The following PPL variants were observed in gnomAD, a reference collection of about 807,000 sequenced individuals.
PPL encodes 190 kDa paraneoplastic pemphigus antigen.
In PPL, 198 loss-of-function variants were observed where a neutral mutation model predicts 194.4. The ratio of observed to expected loss-of-function variants is 1.02; its 90% CI spans 0.91 to 1.15. The LOEUF is 1.15. Ranked by LOEUF, PPL falls within the 50% of genes most tolerant of loss-of-function variation. The pLI, the probability that PPL is intolerant of heterozygous loss-of-function variation, is 0.00. For missense variants in PPL, 2,885 were observed against 2,294.8 expected, an observed-to-expected ratio of 1.26 and a Z score of -5.25; for synonymous variants, 1,220 against 972.4, an observed-to-expected ratio of 1.25 and a Z score of -4.74.
At chr16:4,934,610 T>A (rs1238572013) in intron 1 of PPL, among the ~76,000 whole-genome samples, 2 of 152,046 alleles carry the variant, frequency 1.3e-5, no homozygotes, top group Non-Finnish European at 2.9e-5. Flanking sequence ...CCCCCCATGC[T>A]GAATCTCACC....
At chr16:4,903,089 T>C (rs2142369235) in intron 3 of PPL, among the ~76,000 whole-genome samples, 1 of 152,254 alleles carries the variant, frequency 6.6e-6, no homozygotes, top group South Asian at 2.1e-4. Flanking sequence ...AAAGATCTTG[T>C]TTTCTGGAGT....
chr16:4,885,905 T>C lies in PPL; in HGVS notation c.2750A>G (p.Gln917Arg), dbSNP rs968614576. The C allele has an allele frequency of 3.7e-6, 6 of 1,611,212 alleles. No individual in the cohort carries two copies. The African/African-American group carries it at 8.0e-5, about 21-fold the overall frequency. The part of the protein sequence containing the change: ...RQLENEVKST[Q>R]EEIWTLRNQG... ...ATTCCTCAAGGTCCAGATTTCTTCCTGGGTGCTCTTGACCTCGTTCTCCAG... is the reference window on the plus strand; with the variant it reads ...ATTCCTCAAGGTCCAGATTTCTTCCCGGGTGCTCTTGACCTCGTTCTCCAG... The change falls in exon 22 of 22, where the codon CAG (glutamine) becomes CGG (arginine). Residue 917 changes from glutamine (Q) to arginine (R), a missense_variant. Physicochemically the swap from Gln to Arg is conservative, Grantham distance 43. Transcript: ENST00000345988. This position sits in a 1 kb window ranked among gnomAD's most constrained non-coding sequence, Gnocchi z 6.3.
intron 17 of PPL, 147 bp downstream of exon 17, chr16:4,890,581 G>A (rs908182145): frequency 3.6e-6 from 4 of 1,109,178 alleles, no homozygotes; most frequent in South Asian, 1.7e-5. Flanking sequence ...TGACTCAAAA[G>A]AGAGACCACA....
chr16:4,903,228 G>A (rs1250225456), intron 3 of PPL, among the ~76,000 whole-genome samples: 1 of 152,072 alleles, frequency 6.6e-6, no homozygotes, highest in Non-Finnish European at 1.5e-5. Flanking sequence ...CAGGAGTCAG[G>A]GGGGCTGATT....
Position 4,884,940 on chromosome 16 carries a change from T to C in PPL, c.3715A>G (p.Lys1239Glu), listed in dbSNP as rs201812991. Residue 1239 changes from lysine to glutamate, a missense_variant, in exon 22 of 22, where the codon AAG becomes GAG. Physicochemically the swap from Lys to Glu is moderately conservative, Grantham distance 56 (BLOSUM62 1). Coordinates refer to ENST00000345988, the MANE Select transcript of PPL (RefSeq NM_002705.5). This position sits in a 1 kb window ranked among gnomAD's most constrained non-coding sequence, Gnocchi z 5.7. ...TCCTTCTCCATCTCAGGGTCAGTCT[T>C]GTACTTAATGACTTCCTTAGTCACC... Reference protein sequence around the residue: ...KEVTKEVIKYKTDPEMEKELQ... With the variant: ...KEVTKEVIKYETDPEMEKELQ... 4 of 1,614,120 alleles carry C rather than the reference T, an allele frequency of 2.5e-6. No homozygotes were observed. In the East Asian group the frequency reaches 6.7e-5, roughly 27 times the overall value.
chr16:4,893,707 G>A lies in PPL; in HGVS notation c.1395-69C>T. On this transcript the variant is annotated intron_variant, in intron 12 of 21. Coordinates refer to ENST00000345988, the MANE Select transcript of PPL (RefSeq NM_002705.5). ...CCCCTGCACCCACAGAGGCGGGACT[G>A]CGGACTCTGGCTGGGCAGACACCCC... 3.8e-6 allele frequency: 5 copies of A among 1,330,824 alleles called. 1 individual carries two copies. In the South Asian group the frequency reaches 5.1e-5, roughly 14 times the overall value. The allele number at this position is 1,330,824 out of a possible 1,614,324, so 82.4% of individuals were successfully genotyped here.
At position 4,935,418 on chromosome 16, in the gene PPL, G is replaced by T. The variant is rs138771071; in HGVS notation, c.62+1566C>A. On this transcript the variant is annotated intron_variant, in intron 1 of 21. Coordinates refer to ENST00000345988, the MANE Select transcript of PPL (RefSeq NM_002705.5). Reference sequence around the variant, plus strand: ...GTCTCTGGGGTGGAGAGGACAGAACGGTTCTCCACGGCTGGCACGGAGCAT... The same window carrying T: ...GTCTCTGGGGTGGAGAGGACAGAACTGTTCTCCACGGCTGGCACGGAGCAT... Among the ~76,000 whole-genome samples, 161 of 152,254 alleles carry T rather than the reference G, an allele frequency of 1.1e-3. 1 individual carries two copies. The highest frequency in any genetic ancestry group is 3.7e-3 in the African/African-American group (155 of 41,548).
At chr16:4,895,504 G>A in intron 10 of PPL, 90 bp downstream of exon 10, 4 of 1,603,662 alleles carry the variant, frequency 2.5e-6, no homozygotes, top group Middle Eastern at 4.1e-4. Flanking sequence ...GTGGGGTGCT[G>A]TGGAGGGGCC....
chr16:4,888,003 G>A (rs1319457671), intron 20 of PPL, 99 bp downstream of exon 20: 2 of 827,314 alleles, frequency 2.4e-6, no homozygotes, highest in East Asian at 2.4e-5. Context: ...CCTGTTGTGT[G>A]TGCATCTCTG....
chr16:4,932,673 C>G (rs60328440), intron 1 of PPL, among the ~76,000 whole-genome samples: 1 of 152,146 alleles, frequency 6.6e-6, no homozygotes, highest in African/African-American at 2.4e-5. Flanking sequence ...CCGCCTTACC[C>G]TCTCAGAGTG....
chr16:4,897,626 A>G, intron 9 of PPL, 49 bp downstream of exon 9: 1 of 1,487,598 alleles, frequency 6.7e-7, no homozygotes, highest in Non-Finnish European at 9.4e-7. Flanking sequence ...GAGCGCTCTC[A>G]GAGAGTAGCA....
intron 1 of PPL, among the ~76,000 whole-genome samples, chr16:4,925,039 A>G (rs2089130440): frequency 6.6e-6 from 1 of 152,006 alleles, no homozygotes; most frequent in African/African-American, 2.4e-5. Flanking sequence ...CTGGCCTTTG[A>G]TCACATCTGC....
In PPL at chr16:4,927,529, G is replaced by A. The variant is rs183512274; in HGVS notation, c.62+9455C>T. The stretch of plus-strand genomic sequence containing the variant: ...CAAGGTTTAAAAGAAGCAAGATGCC[G>A]AAGAATCCTAGATCTCTATAGGAAG... On this transcript the variant is annotated intron_variant, in intron 1 of 21. Transcript: ENST00000345988. Among the ~76,000 whole-genome samples, 356 of 152,336 alleles carry A rather than the reference G, an allele frequency of 2.3e-3. 3 individuals are homozygous for A. Among genetic ancestry groups the A allele is most frequent in the African/African-American group, 8.2e-3 (341 of 41,576 alleles).
At chr16:4,903,486 G>A (rs1052158138) in intron 3 of PPL, among the ~76,000 whole-genome samples, 1 of 152,128 alleles carries the variant, frequency 6.6e-6, no homozygotes, top group South Asian at 2.1e-4. Context: ...TTGGGAGGTC[G>A]AGGCAGGCGG....
intron 1 of PPL, among the ~76,000 whole-genome samples, chr16:4,919,687 T>A (rs564263062): frequency 1.3e-5 from 2 of 152,254 alleles, no homozygotes; most frequent in African/African-American, 4.8e-5. Flanking sequence ...CCCACCACTT[T>A]GGGAGGCTGA....
At chr16:4,925,196 C>T (rs1408331302) in intron 1 of PPL, among the ~76,000 whole-genome samples, 4 of 151,928 alleles carry the variant, frequency 2.6e-5, no homozygotes. Context: ...GGCTGGGCCT[C>T]CTGCCACCAC....
chr16:4,904,134 C>T (rs541444695), intron 2 of PPL, 94 bp from the exon 3 acceptor site: 5 of 1,334,822 alleles, frequency 3.7e-6, no homozygotes, highest in South Asian at 1.3e-5. Flanking sequence ...CAGCAGGGTG[C>T]TCCCCTTCTT....
chr16:4,910,191 G>C (rs192731633), intron 2 of PPL, among the ~76,000 whole-genome samples: 1 of 152,218 alleles, frequency 6.6e-6, no homozygotes, highest in Non-Finnish European at 1.5e-5. Context: ...CTGAGGCACA[G>C]ATAGGGGAAA....
chr16:4,922,075 C>A (rs548117084), intron 1 of PPL, among the ~76,000 whole-genome samples: 1 of 152,190 alleles, frequency 6.6e-6, no homozygotes, highest in African/African-American at 2.4e-5. Flanking sequence ...GTGCCACTGG[C>A]ACTTTCTTTC....
Sources: allele counts gnomAD v4.1 joint callset (sites outside exome capture counted in the v4.1 genomes callset), GRCh38; gene constraint gnomAD v4.1.1; non-coding constraint Gnocchi (gnomAD v3.1); transcripts MANE v1.5; gene names NCBI Gene and HGNC (gene_info 2026-07-23, HGNC 2026-07-21).